CAST: variants seen among roughly 807,000 people sequenced by gnomAD.
CAST encodes MIR583 host.
A neutral mutation model predicts 119.6 loss-of-function variants in CAST; 76 were observed. The ratio of observed to expected loss-of-function variants is 0.64; its 90% confidence interval spans 0.53 to 0.77. The LOEUF is 0.77. Among genes scored for constraint, CAST ranks in the 30% least tolerant of loss-of-function variants. CAST has a pLI of 0.00. For synonymous variants in CAST, 319 were observed against 331.6 expected (o/e 0.96, Z 0.41); for missense variants, 953 against 946.5 (o/e 1.01, Z -0.09).
At chr5:96,088,121 C>G in the CAST span, among the ~76,000 whole-genome samples, 5 of 152,192 alleles carry the variant, frequency 3.3e-5, no homozygotes, top group African/African-American at 1.2e-4. Flanking sequence ...ACAGCAACAT[C>G]CTGGTTTAAA....
the CAST span, among the ~76,000 whole-genome samples, chr5:95,963,640 G>C: frequency 6.6e-6 from 1 of 151,592 alleles, no homozygotes; most frequent in South Asian, 2.1e-4. Flanking sequence ...CTTTCCAAAA[G>C]TAGAAACCTT....
At position 96,631,681 on chromosome 5, in the gene CAST, C is replaced by T. The variant is rs1443631069; in HGVS notation, c.61-43858C>T. On this transcript the variant is annotated intron_variant, in intron 1 of 11. Transcript: ENST00000505143. Reference sequence around the variant, plus strand: ...CCGAGTAGCTGGGACCACAGGCGCCCGCCACCACGCCCGGATAATTTTTTG... The same window carrying T: ...CCGAGTAGCTGGGACCACAGGCGCCTGCCACCACGCCCGGATAATTTTTTG... Among the ~76,000 whole-genome samples the T allele has an allele frequency of 2.7e-5, 4 of 150,170 alleles. No homozygotes were observed. In the South Asian group the frequency reaches 6.4e-4, roughly 24 times the overall value.
the CAST span, among the ~76,000 whole-genome samples, chr5:96,109,407 T>C: frequency 6.6e-6 from 1 of 152,246 alleles, no homozygotes; most frequent in Non-Finnish European, 1.5e-5. Flanking sequence ...CCAAATTGTG[T>C]AATGAAAGCC....
chr5:96,418,857 C>T, the CAST span, among the ~76,000 whole-genome samples: 1 of 152,086 alleles, frequency 6.6e-6, no homozygotes, highest in Non-Finnish European at 1.5e-5. Context: ...TCTGAATTGG[C>T]TCAGAAAATT....
the CAST span, among the ~76,000 whole-genome samples, chr5:96,297,387 TCCA>T: frequency 2.6e-5 from 4 of 152,208 alleles, no homozygotes; most frequent in African/African-American, 9.6e-5. Flanking sequence ...AAGGTTTTCC[TCCA>T]TATCCAACCA....
the CAST span, among the ~76,000 whole-genome samples, chr5:96,415,534 A>T: frequency 0.32 from 48,344 of 151,848 alleles, 8,243 homozygotes; most frequent in East Asian, 0.45. Flanking sequence ...GTTTCCCCAT[A>T]AGGACACTGA....
the CAST span, among the ~76,000 whole-genome samples, chr5:96,193,960 G>T: frequency 6.6e-6 from 1 of 152,120 alleles, no homozygotes; most frequent in Admixed American, 6.5e-5. Flanking sequence ...AATTTTTTAG[G>T]AAGAAGGAGG....
the CAST span, among the ~76,000 whole-genome samples, chr5:96,508,756 C>T: frequency 6.6e-6 from 1 of 152,126 alleles, no homozygotes; most frequent in Non-Finnish European, 1.5e-5. Flanking sequence ...GAGAATAATG[C>T]CACCTTTGTT....
chr5:96,416,805 C>A, the CAST span, among the ~76,000 whole-genome samples: 1 of 152,158 alleles, frequency 6.6e-6, no homozygotes, highest in Non-Finnish European at 1.5e-5. Context: ...TGCAGTCAAG[C>A]AAAGAGGGTA....
intron 9 of CAST, among the ~76,000 whole-genome samples, chr5:96,732,060 TC>T (rs1289085467): frequency 6.7e-6 from 1 of 150,274 alleles, no homozygotes; most frequent in Non-Finnish European, 1.5e-5. Flanking sequence ...TAGTTCTAGA[TC>T]CCTGAGGAAT....
At chr5:96,624,176 C>A (rs1747672525) in intron 1 of CAST, among the ~76,000 whole-genome samples, 1 of 152,194 alleles carries the variant, frequency 6.6e-6, no homozygotes. Context: ...ACAACTAATT[C>A]AAGGGAACAG....
intron 2 of CAST, among the ~76,000 whole-genome samples, chr5:96,688,007 A>G (rs903578897): frequency 2.0e-5 from 3 of 152,196 alleles, no homozygotes; most frequent in African/African-American, 7.2e-5. Context: ...GTTAAACGTG[A>G]TATGGTGCTA....
chr5:96,254,845 T>G, the CAST span, among the ~76,000 whole-genome samples: 3 of 152,170 alleles, frequency 2.0e-5, no homozygotes, highest in Non-Finnish European at 2.9e-5. Flanking sequence ...AATTTCCCAT[T>G]AAAACACTAT....
At chr5:96,317,476 C>CAAAAA in the CAST span, among the ~76,000 whole-genome samples, 92 of 50,564 alleles carry the variant, frequency 1.8e-3, no homozygotes, top group Admixed American at 3.5e-3. Context: ...GACTCCATCT[C>CAAAAA]AAAAAAAAAA....
chr5:96,596,949 A>G (rs1747060087), intron 1 of CAST, among the ~76,000 whole-genome samples: 1 of 152,132 alleles, frequency 6.6e-6, no homozygotes, highest in Non-Finnish European at 1.5e-5. Context: ...TCCTCTTTTT[A>G]TATGGACACC....
upstream of CAST, among the ~76,000 whole-genome samples, chr5:96,526,224 C>T (rs1745595578): frequency 6.6e-6 from 1 of 152,158 alleles, no homozygotes; most frequent in African/African-American, 2.4e-5. Context: ...CCCACAAATA[C>T]ATGAGACTCC....
intron 1 of CAST, among the ~76,000 whole-genome samples, chr5:96,626,284 G>T (rs1747721118): frequency 6.6e-6 from 1 of 152,146 alleles, no homozygotes; most frequent in Non-Finnish European, 1.5e-5. Flanking sequence ...CCACCATGAT[G>T]ACCTGATTCC....
intron 1 of CAST, among the ~76,000 whole-genome samples, chr5:96,605,763 A>G (rs1357587947): frequency 6.6e-6 from 1 of 152,246 alleles, no homozygotes; most frequent in Non-Finnish European, 1.5e-5. Flanking sequence ...TATTTTGTTA[A>G]TAAGAAATCA....
chr5:96,748,596 C>G lies in CAST; in HGVS notation c.1411C>G (p.Pro471Ala). The G allele has an allele frequency of 6.6e-7, 1 of 1,510,550 alleles. No individual in the cohort carries two copies. 93.6% of individuals were successfully genotyped at this position (1,510,550 alleles called of 1,614,324 possible). ...TGAATGTAAAGAGAAACCATCTAAG[C>G]CAACTGAAAAGACAGAAGTATGTTT... ...RSECKEKPSK[P>A]TEKTEESKAA... The change falls in exon 19 of 32, where the codon CCA (proline) becomes GCA (alanine). Residue 471 changes from proline (P) to alanine (A), a missense_variant. Coordinates refer to ENST00000675179, the MANE Select transcript of CAST (RefSeq NM_001750.7).
Sources: gnomAD v4.1 joint callset for allele counts (sites outside exome capture counted in the v4.1 genomes callset) on GRCh38, gnomAD v4.1.1 for gene constraint, MANE v1.5 for transcripts, NCBI Gene and HGNC (gene_info 2026-07-23, HGNC 2026-07-21) for gene names.